Variants in INSC observed in about 807,000 individuals in gnomAD.
The protein encoded by INSC is protein inscuteable homolog.
INSC carries 67 observed loss-of-function variants against 58.6 expected under a neutral mutation model. The observed-to-expected ratio is 1.14, with a 90% CI of 0.94 to 1.40. The LOEUF (loss-of-function observed/expected upper bound fraction) is 1.40. INSC is among the 40% of genes most tolerant of loss of function. The pLI is 0.00. For synonymous variants in INSC, 262 were observed against 276.1 expected (o/e 0.95, Z 0.51); for missense variants, 714 against 692.0 (o/e 1.03, Z -0.36).
chr11:15,216,119 G>A (rs1039691303), intron 7 of INSC, among the ~76,000 whole-genome samples: 7 of 152,164 alleles, frequency 4.6e-5, no homozygotes, highest in Non-Finnish European at 8.8e-5. Context: ...GGAGTAAAGC[G>A]GGCTGGCAGC....
At chr11:15,168,014 C>T (rs1000856044) in intron 2 of INSC, among the ~76,000 whole-genome samples, 1 of 152,254 alleles carries the variant, frequency 6.6e-6, no homozygotes, top group African/African-American at 2.4e-5. Context: ...CTTCCTTTGC[C>T]CATAGCAGCC....
At chr11:15,187,400 C>T (rs1850008978) in intron 5 of INSC, among the ~76,000 whole-genome samples, 1 of 152,076 alleles carries the variant, frequency 6.6e-6, no homozygotes, top group Non-Finnish European at 1.5e-5. Flanking sequence ...TCAATGCTAC[C>T]TGCATTTTAT....
rs974578326 is a variant in INSC, at chr11:15,238,860, C to G, written c.1238-59C>G. 3.2e-6 allele frequency: 5 copies of G among 1,556,170 alleles called. No homozygotes were observed. The African/African-American group carries it at 6.8e-5, about 21-fold the overall frequency. ...ACCCTGCAGCCATCTGTCCAGCTGG[C>G]CCCATGGGGAAGGCTCCATGCTGGG... is the stretch of plus-strand genomic sequence containing the variant. On this transcript the variant is annotated intron_variant, in intron 10 of 12. Transcript: ENST00000379556.
At chr11:15,223,149 C>T (rs1382736361) in intron 8 of INSC, among the ~76,000 whole-genome samples, 2 of 152,110 alleles carry the variant, frequency 1.3e-5, no homozygotes, top group Non-Finnish European at 2.9e-5. Flanking sequence ...TTGATTGTTA[C>T]CATGTGGGAA....
chr11:15,144,048 C>T (rs1462433652), intron 1 of INSC, among the ~76,000 whole-genome samples: 2 of 152,150 alleles, frequency 1.3e-5, no homozygotes, highest in Non-Finnish European at 2.9e-5. Context: ...TGTGCTTCTG[C>T]TCTGTGTGCC....
intron 9 of INSC, among the ~76,000 whole-genome samples, chr11:15,229,984 TATATATATATA>T: frequency 4.1e-5 from 1 of 24,566 alleles, no homozygotes; most frequent in African/African-American, 1.8e-4. Context: ...ATATATTATA[TATATATATATA>T]TATATATATA....
At chr11:15,171,863 C>T (rs1849412596) in intron 2 of INSC, among the ~76,000 whole-genome samples, 1 of 152,200 alleles carries the variant, frequency 6.6e-6, no homozygotes, top group Non-Finnish European at 1.5e-5. Context: ...CTTGGTTCTA[C>T]GTTTCACAAT....
At chr11:15,116,605 G>C (rs575882906) in intron 1 of INSC, among the ~76,000 whole-genome samples, 9 of 152,066 alleles carry the variant, frequency 5.9e-5, no homozygotes, top group Non-Finnish European at 1.0e-4. Context: ...TTCTAGACCT[G>C]TCCCATCCTG....
chr11:15,139,325 G>T (rs867967364), intron 1 of INSC, among the ~76,000 whole-genome samples: 15 of 152,220 alleles, frequency 9.9e-5, no homozygotes, highest in Admixed American at 5.2e-4. Flanking sequence ...TATGCTGATT[G>T]TTAATTTTAG....
At chr11:15,115,644 G>A (rs1590318946) in intron 1 of INSC, among the ~76,000 whole-genome samples, 1 of 152,240 alleles carries the variant, frequency 6.6e-6, no homozygotes, top group East Asian at 1.9e-4. Flanking sequence ...CTTAAACCAG[G>A]AGAAGAGACA....
chr11:15,177,253 A>ATCTTCTCCC, intron 4 of INSC, 90 bp downstream of exon 4: 1 of 960,240 alleles, frequency 1.0e-6, no homozygotes, highest in Non-Finnish European at 1.7e-6. Context: ...GGAGAATGGG[A>ATCTTCTCCC]ATGGGAGGCG....
intron 1 of INSC, among the ~76,000 whole-genome samples, chr11:15,116,289 T>C (rs1222043111): frequency 6.6e-6 from 1 of 152,230 alleles, no homozygotes; most frequent in Non-Finnish European, 1.5e-5. Context: ...AGAGAAGCAG[T>C]GACCTTTCTG....
chr11:15,240,595 C>A, intron 12 of INSC, 72 bp downstream of exon 12: 2 of 1,304,944 alleles, frequency 1.5e-6, no homozygotes, highest in Non-Finnish European at 2.2e-6. Flanking sequence ...GGAGAACCGG[C>A]TGTGCTGTGG....
chr11:15,121,066 T>TA (rs11411658), intron 1 of INSC, among the ~76,000 whole-genome samples: 143,831 of 151,090 alleles, frequency 0.95, 68,883 homozygotes, highest in East Asian at 1. Flanking sequence ...TATGAATACA[T>TA]TGAAAATGTT....
At chr11:15,178,235 T>C in intron 4 of INSC, 89 bp from the exon 5 acceptor site, 1 of 1,538,206 alleles carries the variant, frequency 6.5e-7, no homozygotes, top group Non-Finnish European at 8.8e-7. Flanking sequence ...ACACCAGGCT[T>C]GTAGCAGGTC....
chr11:15,254,009 A>G, the INSC span, among the ~76,000 whole-genome samples: 1 of 152,220 alleles, frequency 6.6e-6, no homozygotes, highest in Non-Finnish European at 1.5e-5. Flanking sequence ...TCCATTTGAA[A>G]TTCGCCTCAA....
chr11:15,244,185 A>G (rs2133986923), intron 12 of INSC, among the ~76,000 whole-genome samples: 1 of 152,314 alleles, frequency 6.6e-6, no homozygotes. Context: ...TCATGGTGAC[A>G]ACTCAGGGAA....
the INSC span, among the ~76,000 whole-genome samples, chr11:15,257,010 A>G: frequency 2.0e-5 from 3 of 152,332 alleles, no homozygotes; most frequent in Non-Finnish European, 2.9e-5. Context: ...TTCTTTATCA[A>G]TTAAAATGTC....
chr11:15,208,944 G>C (rs1192289663), intron 7 of INSC, among the ~76,000 whole-genome samples: 1 of 152,194 alleles, frequency 6.6e-6, no homozygotes, highest in Non-Finnish European at 1.5e-5. Context: ...GAGTGAGTGG[G>C]GGAGTAGGGG....
Sources: allele counts gnomAD v4.1 joint callset (sites outside exome capture counted in the v4.1 genomes callset), GRCh38; gene constraint gnomAD v4.1.1; transcripts MANE v1.5; gene names NCBI Gene and HGNC (gene_info 2026-07-23, HGNC 2026-07-21).